RUNX3: variants seen among roughly 807,000 people sequenced by gnomAD.
The protein encoded by RUNX3 is runt-related transcription factor 3.
A neutral mutation model predicts 27.7 loss-of-function variants in RUNX3; 10 were observed. The ratio of observed to expected loss-of-function variants is 0.36; its 90% CI spans 0.22 to 0.61. RUNX3 has a LOEUF of 0.61. Among genes scored for constraint, RUNX3 ranks in the 20% least tolerant of loss-of-function variants. The probability of loss-of-function intolerance (pLI) is 0.72; values close to 1 mark genes in which losing one functional copy is unlikely to be tolerated. For missense variants in RUNX3, 469 were observed against 629.5 expected (o/e 0.75, Z 2.73); for synonymous variants, 270 against 269.2 (o/e 1.00, Z -0.03).
chr1:24,907,215 C>T, intron 4 of RUNX3, 44 bp downstream of exon 4: 1 of 1,587,174 alleles, frequency 6.3e-7, no homozygotes, highest in Non-Finnish European at 8.5e-7. Context: ...CGAGGCCCTC[C>T]ACCCCCACCT....
intron 2 of RUNX3, among the ~76,000 whole-genome samples, chr1:24,921,337 C>T (rs1338151636): frequency 1.3e-5 from 2 of 152,184 alleles, no homozygotes; most frequent in East Asian, 3.8e-4. Flanking sequence ...AGGAGCCATG[C>T]CACAGGACCC....
chr1:24,908,249 GA>G (rs1640721736), intron 3 of RUNX3, among the ~76,000 whole-genome samples: 1 of 134,982 alleles, frequency 7.4e-6, no homozygotes, highest in Non-Finnish European at 1.6e-5. Context: ...GCGGTGATCT[GA>G]ACCTCTACGA....
intron 2 of RUNX3, among the ~76,000 whole-genome samples, chr1:24,963,574 T>C (rs528611723): frequency 3.9e-5 from 6 of 152,270 alleles, no homozygotes; most frequent in Non-Finnish European, 7.4e-5. Context: ...AGAGGTTAAG[T>C]AACTCCCCTC....
At chr1:24,915,813 A>G (rs1022965027) in intron 3 of RUNX3, among the ~76,000 whole-genome samples, 3 of 152,106 alleles carry the variant, frequency 2.0e-5, no homozygotes, top group African/African-American at 7.2e-5. Context: ...GGGGGGCGTG[A>G]GGGCCTTTCC....
Position 24,901,594 on chromosome 1 carries a change from AG to A in RUNX3, c.*527del, listed in dbSNP as rs1484449418. ...TGTACAATGAGGGGAACCCCGCTCG[AG>A]GGTGGTGGGGGTGGGGGACACTTTC... On this transcript the variant is annotated 3_prime_UTR_variant, in exon 5 of 5. Transcript: ENST00000308873. 1 of 151,788 alleles carries A rather than the reference AG, an allele frequency of 6.6e-6. No homozygotes were observed. The highest frequency in any genetic ancestry group is 1.4e-5 in the Non-Finnish European group (1 of 69,240). The allele number at this position is 151,788 out of a possible 1,614,324, so 9.4% of individuals were successfully genotyped here.
At chr1:24,950,004 C>T (rs1285640975) in intron 2 of RUNX3, among the ~76,000 whole-genome samples, 3 of 152,236 alleles carry the variant, frequency 2.0e-5, no homozygotes, top group Non-Finnish European at 4.4e-5. Flanking sequence ...TCCCTCCTCT[C>T]ACTTGCAGAA....
In RUNX3 at chr1:24,927,223, T is replaced by G. The variant is rs1056502822; in HGVS notation, c.439+351A>C. Among the ~76,000 whole-genome samples the G allele has an allele frequency of 6.6e-6, 1 of 152,176 alleles. No homozygotes were observed. Among genetic ancestry groups the G allele is most frequent in the Admixed American group, 6.5e-5 (1 of 15,282 alleles). ...GGGACTTGTCCTGCAACCGCCTTGC[T>G]GAAAGACCTATAAGCTCCCTTTTTG... On this transcript the variant is annotated intron_variant, in intron 2 of 4. Transcript: ENST00000308873. The surrounding 1 kb of genome is among the most constrained non-coding windows in gnomAD (Gnocchi z 5.0).
chr1:24,912,348 A>T (rs1005905681), intron 3 of RUNX3, among the ~76,000 whole-genome samples: 4 of 152,010 alleles, frequency 2.6e-5, no homozygotes, highest in Non-Finnish European at 4.4e-5. Context: ...CCCACCCACT[A>T]CCACTTCTTC....
intron 2 of RUNX3, chr1:24,964,367 C>A: frequency 1.5e-6 from 1 of 683,562 alleles, no homozygotes; most frequent in Admixed American, 2.2e-5. Context: ...GACCACCAAC[C>A]CCTCTTCCCA....
chr1:24,929,526 C>G (rs1433546053), intron 1 of RUNX3, 61 bp downstream of exon 1: 2 of 1,484,446 alleles, frequency 1.3e-6, no homozygotes, highest in Non-Finnish European at 1.8e-6. Context: ...CTCTGGCTCC[C>G]GCAGCTCAGA....
chr1:24,919,346 TG>T lies in RUNX3; in HGVS notation c.440-3del. 6.3e-7 allele frequency: 1 copy of T among 1,597,598 alleles called. No individual in the cohort carries two copies. The highest frequency in any genetic ancestry group is 8.6e-7 in the Non-Finnish European group (1 of 1,166,584). ...TGATGGTCAGGGTGAAACTCTTCCCTGGGGAGAGTGGGGAATAGAGGCAGGT... is the reference window on the plus strand; with the variant it reads ...TGATGGTCAGGGTGAAACTCTTCCCTGGGAGAGTGGGGAATAGAGGCAGGT... On this transcript the variant is annotated splice_polypyrimidine_tract_variant and splice_region_variant and intron_variant, in intron 2 of 4. Transcript: ENST00000308873.
chr1:24,909,471 A>T (rs1480210485), intron 3 of RUNX3, among the ~76,000 whole-genome samples: 1 of 152,176 alleles, frequency 6.6e-6, no homozygotes. Context: ...GCTCAAACTC[A>T]GTTTCCCTAT....
intron 3 of RUNX3, among the ~76,000 whole-genome samples, chr1:24,915,603 G>C (rs1006472538): frequency 2.6e-5 from 4 of 152,214 alleles, no homozygotes; most frequent in Non-Finnish European, 5.9e-5. Flanking sequence ...GGGCTGCTGA[G>C]AAGTGCAGAG....
chr1:24,948,499 A>G (rs1641670960), intron 2 of RUNX3, among the ~76,000 whole-genome samples: 1 of 152,062 alleles, frequency 6.6e-6, no homozygotes, highest in African/African-American at 2.4e-5. Context: ...AAACCCTCAG[A>G]TGGTGCTGGT....
chr1:24,939,262 T>G (rs74063021), intron 2 of RUNX3, among the ~76,000 whole-genome samples: 1,783 of 152,280 alleles, frequency 0.012, 44 homozygotes, highest in African/African-American at 0.04. Context: ...CCCACGCTCA[T>G]GGGCACAGTC....
intron 2 of RUNX3, among the ~76,000 whole-genome samples, chr1:24,959,950 A>G (rs1249678622): frequency 6.6e-6 from 1 of 152,196 alleles, no homozygotes; most frequent in Non-Finnish European, 1.5e-5. Flanking sequence ...ACCTTTGCCC[A>G]GGACGTTCCT....
intron 3 of RUNX3, among the ~76,000 whole-genome samples, 163 bp from the exon 4 acceptor site, chr1:24,907,580 C>T (rs560307808): frequency 1.3e-5 from 2 of 152,340 alleles, no homozygotes; most frequent in African/African-American, 4.8e-5. Context: ...TTTCAAAAGA[C>T]TTTCTGAACA....
chr1:24,952,232 C>A (rs2124365489), intron 2 of RUNX3, among the ~76,000 whole-genome samples: 1 of 152,358 alleles, frequency 6.6e-6, no homozygotes, highest in East Asian at 1.9e-4. Context: ...CCCGCCCCCA[C>A]AGTGCTTATA....
At chr1:24,936,146 C>T (rs1641346085) in intron 2 of RUNX3, among the ~76,000 whole-genome samples, 2 of 152,216 alleles carry the variant, frequency 1.3e-5, no homozygotes, top group Non-Finnish European at 2.9e-5. Flanking sequence ...AAACATGTGC[C>T]CTTCCCCCAG....
Sources: allele counts gnomAD v4.1 joint callset (sites outside exome capture counted in the v4.1 genomes callset), GRCh38; gene constraint gnomAD v4.1.1; non-coding constraint Gnocchi (gnomAD v3.1); transcripts MANE v1.5; gene names NCBI Gene and HGNC (gene_info 2026-07-23, HGNC 2026-07-21).